Variants in CDH20 observed in about 807,000 individuals in gnomAD.
CDH20 encodes the protein cadherin 20.
In CDH20, 29 loss-of-function variants were observed where a neutral mutation model predicts 74.2. The ratio of observed to expected loss-of-function variants is 0.39; its 90% CI spans 0.29 to 0.53. CDH20 has a LOEUF of 0.53. Ranked by LOEUF, CDH20 falls within the 20% of genes least tolerant of loss-of-function variation. The pLI is 0.69. For synonymous variants in CDH20, 469 were observed against 405.4 expected (o/e 1.16, Z -1.88); for missense variants, 988 against 1,048.3 (o/e 0.94, Z 0.79).
intron 1 of CDH20, among the ~76,000 whole-genome samples, chr18:61,368,866 A>G (rs1411610259): frequency 1.1e-5 from 1 of 89,626 alleles, no homozygotes; most frequent in Admixed American, 1.4e-4. Flanking sequence ...TTTTCAAAAA[A>G]AAAAAAAAAA....
chr18:61,377,543 C>T (rs572249815), intron 1 of CDH20, among the ~76,000 whole-genome samples: 1 of 151,818 alleles, frequency 6.6e-6, no homozygotes, highest in African/African-American at 2.4e-5. Context: ...TACTTGGCCG[C>T]ATTGTTAAGT....
At chr18:61,362,340 T>C (rs1200433980) in intron 1 of CDH20, among the ~76,000 whole-genome samples, 1 of 152,144 alleles carries the variant, frequency 6.6e-6, no homozygotes, top group African/African-American at 2.4e-5. Flanking sequence ...AGAAATGCTG[T>C]TTAGCAGCAG....
chr18:61,465,051 A>G (rs17810639), intron 1 of CDH20, among the ~76,000 whole-genome samples: 40,829 of 152,186 alleles, frequency 0.27, 5,720 homozygotes, highest in Middle Eastern at 0.39. Flanking sequence ...TAAGCCTTGT[A>G]ATATCAAACA....
chr18:61,442,005 A>G (rs1155659), intron 1 of CDH20, among the ~76,000 whole-genome samples: 7,368 of 152,252 alleles, frequency 0.048, 200 homozygotes, highest in Middle Eastern at 0.12. Context: ...CTCTCAGTTC[A>G]GGACCCACAA....
chr18:61,513,124 A>T (rs1911846253), intron 6 of CDH20, among the ~76,000 whole-genome samples: 3 of 148,182 alleles, frequency 2.0e-5, no homozygotes, highest in African/African-American at 2.5e-5. Flanking sequence ...CCCATTATTA[A>T]TGTGTGGGAG....
Position 61,453,571 on chromosome 18 carries a change from G to C in CDH20, c.-152-36831G>C, listed in dbSNP as rs569906699. Among the ~76,000 whole-genome samples, 563 of 152,258 alleles carry C rather than the reference G, an allele frequency of 3.7e-3. 5 individuals carry two copies. Among genetic ancestry groups the C allele is most frequent in the African/African-American group, 0.011 (457 of 41,566 alleles). On this transcript the variant is annotated intron_variant, in intron 1 of 11. Coordinates refer to ENST00000262717, the MANE Select transcript of CDH20 (RefSeq NM_031891.4). ...TGAGATTACAGGCGTGAGCCACCAC[G>C]CCCAGCCGATCTAACCTTTTCATAT...
intron 5 of CDH20, among the ~76,000 whole-genome samples, chr18:61,503,494 C>G (rs1307565759): frequency 6.6e-6 from 1 of 152,138 alleles, no homozygotes; most frequent in African/African-American, 2.4e-5. Flanking sequence ...TCATCACAGC[C>G]CTGGAAACCT....
intron 1 of CDH20, among the ~76,000 whole-genome samples, chr18:61,405,576 G>A (rs1224019417): frequency 6.6e-6 from 1 of 152,140 alleles, no homozygotes; most frequent in African/African-American, 2.4e-5. Context: ...GACAGAGCAA[G>A]ACCCCATCTC....
chr18:61,346,760 A>C (rs888833281), intron 1 of CDH20, among the ~76,000 whole-genome samples: 4 of 152,242 alleles, frequency 2.6e-5, no homozygotes, highest in African/African-American at 9.6e-5. Flanking sequence ...AATAATTTAC[A>C]GTTGAGTAGG....
intron 6 of CDH20, among the ~76,000 whole-genome samples, chr18:61,527,405 A>AGATAGATAGATAGATAGATAGATAGAT (rs1912464594): frequency 1.3e-5 from 2 of 152,024 alleles, no homozygotes; most frequent in East Asian, 1.9e-4. Flanking sequence ...ATAGATAGAT[A>AGATAGATAGATAGATAGATAGATAGAT]GATAGATAGA....
chr18:61,538,034 CAA>C (rs1912871891), intron 8 of CDH20, among the ~76,000 whole-genome samples: 2 of 152,114 alleles, frequency 1.3e-5, no homozygotes, highest in South Asian at 4.2e-4. Flanking sequence ...CAGTGCCAAG[CAA>C]AAGACACAGA....
chr18:61,511,009 C>G (rs1199332919), intron 6 of CDH20, among the ~76,000 whole-genome samples: 1 of 121,704 alleles, frequency 8.2e-6, no homozygotes, highest in East Asian at 2.6e-4. Flanking sequence ...TTTGTTTGAA[C>G]AGAGTCTCAC....
intron 1 of CDH20, among the ~76,000 whole-genome samples, chr18:61,410,567 A>C (rs939476974): frequency 1.3e-5 from 2 of 152,208 alleles, no homozygotes; most frequent in Non-Finnish European, 2.9e-5. Flanking sequence ...TTATAAGGCT[A>C]TAATAATTAA....
intron 6 of CDH20, among the ~76,000 whole-genome samples, chr18:61,510,733 A>C (rs1213713504): frequency 1.3e-5 from 2 of 152,246 alleles, no homozygotes; most frequent in East Asian, 1.9e-4. Context: ...CTAAATCATC[A>C]AATAAATCTA....
chr18:61,382,384 G>A (rs1157060486), intron 1 of CDH20, among the ~76,000 whole-genome samples: 1 of 152,188 alleles, frequency 6.6e-6, no homozygotes, highest in Non-Finnish European at 1.5e-5. Flanking sequence ...AAAGGGCTTT[G>A]GAGTCAAGAA....
intron 6 of CDH20, among the ~76,000 whole-genome samples, chr18:61,510,929 G>A (rs1911755656): frequency 6.6e-6 from 1 of 151,098 alleles, no homozygotes. Flanking sequence ...TGTAAATAAG[G>A]GAAATGCTCA....
intron 1 of CDH20, among the ~76,000 whole-genome samples, chr18:61,470,667 G>A (rs891607699): frequency 1.6e-4 from 24 of 152,084 alleles, no homozygotes; most frequent in African/African-American, 5.6e-4. Context: ...ACAAAAACAA[G>A]AGGTGAACTT....
intron 1 of CDH20, among the ~76,000 whole-genome samples, chr18:61,480,606 C>G (rs770728654): frequency 2.6e-5 from 4 of 152,142 alleles, no homozygotes; most frequent in Non-Finnish European, 5.9e-5. Context: ...ATCTCAGTGA[C>G]CAGAGGGATG....
intron 1 of CDH20, among the ~76,000 whole-genome samples, chr18:61,371,604 T>C (rs1225976687): frequency 6.6e-6 from 1 of 152,082 alleles, no homozygotes; most frequent in Non-Finnish European, 1.5e-5. Flanking sequence ...AAAATATTCA[T>C]GCCCTCTGTG....
Sources: gnomAD v4.1 joint callset for allele counts (sites outside exome capture counted in the v4.1 genomes callset) on GRCh38, gnomAD v4.1.1 for gene constraint, MANE v1.5 for transcripts, NCBI Gene and HGNC (gene_info 2026-07-23, HGNC 2026-07-21) for gene names.